MGMT: variants seen among roughly 807,000 people sequenced by gnomAD.
The protein encoded by MGMT is O-6-methylguanine-DNA methyltransferase, also known as methylated-DNA--protein-cysteine methyltransferase.
A neutral mutation model predicts 15.9 loss-of-function variants in MGMT; 14 were observed. That is an observed-to-expected ratio of 0.88 (90% CI 0.58 to 1.37). MGMT has a LOEUF of 1.37. Among genes scored for constraint, MGMT ranks in the 40% most tolerant of loss-of-function variants. The pLI, the probability that MGMT is intolerant of heterozygous loss-of-function variation, is 0.00. For missense variants in MGMT, 282 were observed against 268.1 expected (o/e 1.05, Z -0.36); for synonymous variants, 130 against 118.2 (o/e 1.10, Z -0.65).
chr10:129,592,795 TTAA>T (rs1279616479), intron 2 of MGMT, among the ~76,000 whole-genome samples: 2 of 144,862 alleles, frequency 1.4e-5, no homozygotes, highest in East Asian at 2.4e-4. Context: ...GCAACTTTAA[TTAA>T]TCCTTTTTTT....
At chr10:129,708,773 A>G (rs1848197643) in intron 3 of MGMT, among the ~76,000 whole-genome samples, 1 of 152,230 alleles carries the variant, frequency 6.6e-6, no homozygotes, top group Non-Finnish European at 1.5e-5. Context: ...TATGATGTAT[A>G]TATGGAGTTG....
At chr10:129,503,474 G>C (rs918111135) in intron 1 of MGMT, among the ~76,000 whole-genome samples, 1 of 152,212 alleles carries the variant, frequency 6.6e-6, no homozygotes. Context: ...TTGACTTGTC[G>C]ATGAGAAGTA....
rs1845472247 is a variant in MGMT at position 129,491,876 on chromosome 10, A to G, written c.-13+24580A>G. Among the ~76,000 whole-genome samples the G allele has an allele frequency of 2.0e-5, 3 of 151,964 alleles. No homozygotes were observed. In the South Asian group the frequency reaches 6.2e-4, roughly 32 times the overall value. ...TTTCCTCTTATTATTAAGTGTATCC[A>G]TTGTAATTATTTTACACTTCTTATC... On this transcript the variant is annotated intron_variant, in intron 1 of 4. Transcript: ENST00000651593.
chr10:129,756,710 C>T lies in MGMT; in HGVS notation c.275-2492C>T, dbSNP rs543231417. 3.3e-5 allele frequency among the ~76,000 whole-genome samples: 5 copies of T among 152,238 alleles called. No homozygotes were observed. In the East Asian group the frequency reaches 7.7e-4, roughly 24 times the overall value. On this transcript the variant is annotated intron_variant, in intron 3 of 4. Transcript: ENST00000651593. ...GTCTTGAACTCCTGACCTCGTGATCCGCCCGCCTCGGCCTCCCAAAGTGCT... is the reference window on the plus strand; with the variant it reads ...GTCTTGAACTCCTGACCTCGTGATCTGCCCGCCTCGGCCTCCCAAAGTGCT...
At chr10:129,605,490 T>A (rs1187954423) in intron 2 of MGMT, among the ~76,000 whole-genome samples, 2 of 152,178 alleles carry the variant, frequency 1.3e-5, no homozygotes, top group Non-Finnish European at 2.9e-5. Flanking sequence ...GTAGGTTTCA[T>A]TTGCTGTGTA....
chr10:129,595,486 G>A (rs540001459), intron 2 of MGMT, among the ~76,000 whole-genome samples: 91 of 152,234 alleles, frequency 6.0e-4, no homozygotes, highest in Non-Finnish European at 6.5e-4. Context: ...CTGATCCCCC[G>A]TGCCACAGAC....
chr10:129,564,249 C>CCCTCCTCCTCCCCTTCCT (rs1846317310), intron 2 of MGMT: 1 of 35,984 alleles, frequency 2.8e-5, no homozygotes, highest in African/African-American at 8.7e-5. Context: ...TCCCCCTTCC[C>CCCTCCTCCTCCCCTTCCT]CCTCCTCTTC....
At chr10:129,655,077 AC>A (rs1217912563) in intron 2 of MGMT, among the ~76,000 whole-genome samples, 14 of 152,296 alleles carry the variant, frequency 9.2e-5, no homozygotes, top group African/African-American at 3.4e-4. Context: ...TCAGCACACT[AC>A]CGAGGTGCTC....
At chr10:129,484,823 A>G (rs1174782163) in intron 1 of MGMT, among the ~76,000 whole-genome samples, 3 of 152,104 alleles carry the variant, frequency 2.0e-5, no homozygotes, top group Non-Finnish European at 4.4e-5. Flanking sequence ...TTGTTAGGGC[A>G]GGTCCAGACC....
At chr10:129,653,657 G>C (rs771668420) in intron 2 of MGMT, among the ~76,000 whole-genome samples, 1 of 152,218 alleles carries the variant, frequency 6.6e-6, no homozygotes, top group East Asian at 1.9e-4. Flanking sequence ...GTCTCAGGCA[G>C]CTTGCAAGAT....
intron 2 of MGMT, among the ~76,000 whole-genome samples, chr10:129,654,707 G>T (rs1343058811): frequency 6.6e-6 from 1 of 152,058 alleles, no homozygotes; most frequent in African/African-American, 2.4e-5. Context: ...GTATGAGGAA[G>T]GTGGCCGGGG....
intron 2 of MGMT, among the ~76,000 whole-genome samples, chr10:129,590,504 A>T (rs539135466): frequency 1.3e-5 from 2 of 152,358 alleles, no homozygotes; most frequent in East Asian, 3.9e-4. Context: ...AGCAAAATAA[A>T]ACTGTTTCTG....
chr10:129,620,460 C>A (rs1847079158), intron 2 of MGMT, among the ~76,000 whole-genome samples: 1 of 152,166 alleles, frequency 6.6e-6, no homozygotes, highest in Non-Finnish European at 1.5e-5. Context: ...GGATTTGTCT[C>A]TTTTCCCCTT....
chr10:129,535,997 G>A (rs750041532), intron 1 of MGMT, among the ~76,000 whole-genome samples: 7 of 152,146 alleles, frequency 4.6e-5, no homozygotes, highest in Non-Finnish European at 7.3e-5. Context: ...GAGAAGAATC[G>A]GGATACAGTA....
chr10:129,676,424 A>G (rs1257428145), intron 2 of MGMT, among the ~76,000 whole-genome samples: 3 of 152,172 alleles, frequency 2.0e-5, no homozygotes, highest in Non-Finnish European at 4.4e-5. Context: ...GAGCAAGCGC[A>G]GTGGACCCTC....
chr10:129,656,542 CAGG>C (rs1412229932), intron 2 of MGMT, among the ~76,000 whole-genome samples: 1 of 152,208 alleles, frequency 6.6e-6, no homozygotes, highest in Non-Finnish European at 1.5e-5. Context: ...GACCCAGCCT[CAGG>C]AGGTCCTGAT....
intron 2 of MGMT, among the ~76,000 whole-genome samples, chr10:129,705,471 T>C (rs1487758695): frequency 2.0e-5 from 3 of 152,240 alleles, no homozygotes; most frequent in African/African-American, 7.2e-5. Context: ...TAGTTATCTT[T>C]ATTTCCGCTT....
At chr10:129,736,488 A>G (rs1456040236) in intron 3 of MGMT, among the ~76,000 whole-genome samples, 2 of 146,674 alleles carry the variant, frequency 1.4e-5, no homozygotes, top group Non-Finnish European at 3.0e-5. Flanking sequence ...TGAATACAGC[A>G]CACTGATGGG....
At chr10:129,607,284 A>G (rs1846903578) in intron 2 of MGMT, among the ~76,000 whole-genome samples, 1 of 152,002 alleles carries the variant, frequency 6.6e-6, no homozygotes, top group Admixed American at 6.6e-5. Context: ...AATTACCTGG[A>G]AGAAATCAGA....
Sources: allele counts gnomAD v4.1 joint callset (sites outside exome capture counted in the v4.1 genomes callset), GRCh38; gene constraint gnomAD v4.1.1; transcripts MANE v1.5; gene names NCBI Gene and HGNC (gene_info 2026-07-23, HGNC 2026-07-21).